Variants in ZNF236 observed in about 807,000 individuals in gnomAD.
ZNF236 encodes regulated by glucose.
Under a neutral mutation model 191.2 loss-of-function variants are expected in ZNF236, and 50 were observed. The observed-to-expected ratio is 0.26, with a 90% CI of 0.21 to 0.33. The LOEUF (loss-of-function observed/expected upper bound fraction) is 0.33, where lower values mean the gene tolerates loss of function less well. ZNF236 is among the 10% of genes least tolerant of loss of function. ZNF236 has a pLI of 1.00. For synonymous variants in ZNF236, 907 were observed against 928.8 expected (o/e 0.98, Z 0.43); for missense variants, 1,754 against 2,374.5 (o/e 0.74, Z 5.43).
At chr18:76,830,616 C>T (rs538367292) in intron 1 of ZNF236, among the ~76,000 whole-genome samples, 1 of 151,980 alleles carries the variant, frequency 6.6e-6, no homozygotes, top group East Asian at 1.9e-4. Context: ...TACGCTAACA[C>T]TAATGATAGC....
At chr18:76,910,244 A>G (rs983519007) in intron 15 of ZNF236, 75 bp downstream of exon 15, 29 of 1,294,020 alleles carry the variant, frequency 2.2e-5, no homozygotes, top group Non-Finnish European at 3.1e-5. Flanking sequence ...ACAACCTTAC[A>G]TGTTTTCTCT....
chr18:76,930,048 G>A (rs1467454877), intron 25 of ZNF236, among the ~76,000 whole-genome samples: 1 of 152,170 alleles, frequency 6.6e-6, no homozygotes, highest in Non-Finnish European at 1.5e-5. Context: ...TACAATGAAA[G>A]TCCTTTTACC....
chr18:76,874,298 T>C (rs1038476429), intron 5 of ZNF236, among the ~76,000 whole-genome samples: 1 of 152,172 alleles, frequency 6.6e-6, no homozygotes, highest in African/African-American at 2.4e-5. Context: ...GAAGCAGGGA[T>C]CTGATGTTAT....
Position 76,960,661 on chromosome 18 carries a change from A to G in ZNF236, c.5243-18A>G, listed in dbSNP as rs145746308. The G allele has an allele frequency of 7.8e-5, 126 of 1,614,130 alleles. 1 individual carries two copies. The African/African-American group carries it at 1.1e-3, about 14-fold the overall frequency. On this transcript the variant is annotated intron_variant, in intron 29 of 30. Transcript: ENST00000320610. This position sits in a 1 kb window ranked among gnomAD's most constrained non-coding sequence, Gnocchi z 4.4. ...ATACTTTTCTTAGAGACATTGACAT[A>G]TGCCATTTTCTGTACAGGGGAGCGG... is the stretch of plus-strand genomic sequence containing the variant.
intron 9 of ZNF236, among the ~76,000 whole-genome samples, chr18:76,891,825 G>A (rs1389848930): frequency 6.6e-6 from 1 of 151,572 alleles, no homozygotes; most frequent in African/African-American, 2.4e-5. Flanking sequence ...ATCGATATAT[G>A]TCTTTTCTGG....
At chr18:76,966,042 C>T (rs1328113527) in intron 30 of ZNF236, among the ~76,000 whole-genome samples, 1 of 152,140 alleles carries the variant, frequency 6.6e-6, no homozygotes, top group Non-Finnish European at 1.5e-5. Context: ...TCAGACTCTC[C>T]TTGGGCGGGT....
rs189519059 is a variant in ZNF236 at position 76,883,736 on chromosome 18, C to T, written c.1417+2224C>T. The stretch of plus-strand genomic sequence containing the variant: ...AGCTACCACACTTAGCCTGGGGACA[C>T]GTTTCTATATAAAGATGTTCCTTTT... On this transcript the variant is annotated intron_variant, in intron 9 of 30. Coordinates refer to ENST00000320610, the MANE Select transcript of ZNF236 (RefSeq NM_001306089.2). Among the ~76,000 whole-genome samples, 152 of 152,162 alleles carry T rather than the reference C, an allele frequency of 1.0e-3. 1 individual carries two copies. The highest frequency in any genetic ancestry group is 3.2e-3 in the African/African-American group (132 of 41,504).
rs150519538 is a variant in ZNF236, at chr18:76,886,878, C to T, written c.1417+5366C>T. On this transcript the variant is annotated intron_variant, in intron 9 of 30. Coordinates refer to ENST00000320610, the MANE Select transcript of ZNF236 (RefSeq NM_001306089.2). The stretch of plus-strand genomic sequence containing the variant: ...GGTCCCGTCATCAGGAGCTAGTCAC[C>T]GCAGCGTCAGTGCCATCCTTGTTTC... The T allele has an allele frequency of 2.3e-3, 431 of 187,792 alleles. 5 individuals are homozygous for T. The highest frequency in any genetic ancestry group is 9.8e-3 in the African/African-American group (413 of 41,968). 11.6% of individuals were successfully genotyped at this position (187,792 alleles called of 1,614,324 possible).
chr18:76,859,501 G>A (rs1425309876), intron 3 of ZNF236, among the ~76,000 whole-genome samples: 3 of 152,082 alleles, frequency 2.0e-5, no homozygotes, highest in Non-Finnish European at 4.4e-5. Context: ...CGGGTGTGTT[G>A]GGTACTGCAC....
chr18:76,968,356 A>T lies in ZNF236; in HGVS notation c.*17A>T. On this transcript the variant is annotated 3_prime_UTR_variant, in exon 31 of 31. Transcript: ENST00000320610. ...GTCTTCTGATGCGAGTTGGAAGTAC[A>T]CCTTTAAGAATGTTTCTGAAGTTAC... The T allele has an allele frequency of 6.3e-7, 1 of 1,597,898 alleles. No homozygotes were observed. The highest frequency in any genetic ancestry group is 1.1e-5 in the South Asian group (1 of 87,726).
At chr18:76,864,386 G>A (rs1253686245) in intron 3 of ZNF236, among the ~76,000 whole-genome samples, 1 of 151,840 alleles carries the variant, frequency 6.6e-6, no homozygotes, top group East Asian at 1.9e-4. Context: ...TTTTAGTAGA[G>A]ATGGCGTTTC....
chr18:76,877,953 G>T, intron 6 of ZNF236, 56 bp from the exon 7 acceptor site: 1 of 1,369,266 alleles, frequency 7.3e-7, no homozygotes, highest in Non-Finnish European at 1.0e-6. Context: ...TAATTTAGAT[G>T]TTTAAATTTA....
chr18:76,850,412 A>G (rs1975824865), intron 2 of ZNF236, among the ~76,000 whole-genome samples: 1 of 152,114 alleles, frequency 6.6e-6, no homozygotes, highest in Admixed American at 6.6e-5. Context: ...CACCAGTATT[A>G]TTTTCTCAGG....
chr18:76,933,785 C>G (rs56158204), intron 25 of ZNF236, among the ~76,000 whole-genome samples: 8,248 of 152,154 alleles, frequency 0.054, 296 homozygotes, highest in East Asian at 0.11. Flanking sequence ...CCACTCAATC[C>G]TTGATATTAA....
At chr18:76,858,513 AT>A (rs1976116216) in intron 3 of ZNF236, among the ~76,000 whole-genome samples, 1 of 152,200 alleles carries the variant, frequency 6.6e-6, no homozygotes, top group Admixed American at 6.5e-5. Context: ...TGTAATATCC[AT>A]TTTCAGAGGT....
chr18:76,961,722 T>A (rs1174338865), intron 30 of ZNF236, among the ~76,000 whole-genome samples: 2 of 58,100 alleles, frequency 3.4e-5, no homozygotes, highest in Non-Finnish European at 4.0e-5. Flanking sequence ...CATGCTAGCA[T>A]GTACTATTTT....
rs1202084465 is a variant in ZNF236, at chr18:76,864,196, C to CTTT, written c.364-4470_364-4468dup. On this transcript the variant is annotated intron_variant, in intron 3 of 30. Transcript: ENST00000320610. ...TGAGACAATTTCTTACAACAAATATCTTTTTTTTTTTTTTTTTTTTTAAGA... is the reference window on the plus strand; with the variant it reads ...TGAGACAATTTCTTACAACAAATATCTTTTTTTTTTTTTTTTTTTTTTTTAAGA... Among the ~76,000 whole-genome samples, 32 of 132,150 alleles carry CTTT rather than the reference C, an allele frequency of 2.4e-4. 1 individual carries two copies. The highest frequency in any genetic ancestry group is 4.0e-3 in the Middle Eastern group (1 of 250). 86.7% of individuals were successfully genotyped at this position (132,150 alleles called of 152,430 possible).
Position 76,910,808 on chromosome 18 carries a change from T to C in ZNF236, c.2802T>C (p.Asn934=), listed in dbSNP as rs1039382511. The C allele has an allele frequency of 3.7e-6, 6 of 1,614,000 alleles. No homozygotes were observed. Among genetic ancestry groups the C allele is most frequent in the South Asian group, 1.1e-5 (1 of 91,088 alleles). ...AGGCTCCCAGCTCTGATGGGATGAA[T>C]GTAGTGAGTATGGACAGAGGGGTGC... ...LLQAPSSDGM[N]VTTRLIQESS... The change falls in exon 16 of 31, where the codon AAT becomes AAC. Residue 934 remains asparagine (N), a synonymous_variant. Coordinates refer to ENST00000320610, the MANE Select transcript of ZNF236 (RefSeq NM_001306089.2).
Position 76,960,064 on chromosome 18 carries a change from T to C in ZNF236, c.5242+248T>C, listed in dbSNP as rs1437983758. 6.6e-6 allele frequency among the ~76,000 whole-genome samples: 1 copy of C among 152,196 alleles called. No individual in the cohort carries two copies. The highest frequency in any genetic ancestry group is 1.5e-5 in the Non-Finnish European group (1 of 68,040). On this transcript the variant is annotated intron_variant, in intron 29 of 30. Coordinates refer to ENST00000320610, the MANE Select transcript of ZNF236 (RefSeq NM_001306089.2). This position sits in a 1 kb window ranked among gnomAD's most constrained non-coding sequence, Gnocchi z 4.4. The stretch of plus-strand genomic sequence containing the variant: ...AGCATCAGGCAAGCCTCCCGTGCCG[T>C]GTCTGGGATGTTGACCATGTCACGT...
Sources: allele counts gnomAD v4.1 joint callset (sites outside exome capture counted in the v4.1 genomes callset), GRCh38; gene constraint gnomAD v4.1.1; non-coding constraint Gnocchi (gnomAD v3.1); transcripts MANE v1.5; gene names NCBI Gene and HGNC (gene_info 2026-07-23, HGNC 2026-07-21).